TENM3: variants seen among roughly 807,000 people sequenced by gnomAD.
TENM3 encodes teneurin transmembrane protein 3.
TENM3 carries 63 observed loss-of-function variants against 255.1 expected under a neutral mutation model. The observed-to-expected ratio is 0.25, with a 90% CI of 0.20 to 0.30. The LOEUF (loss-of-function observed/expected upper bound fraction) is 0.30. TENM3 is among the 10% of genes least tolerant of loss of function. The pLI is 1.00. For synonymous variants in TENM3, 1,306 were observed against 1,322.3 expected (o/e 0.99, Z 0.27); for missense variants, 2,929 against 3,461.1 (o/e 0.85, Z 3.86).
the TENM3 span, among the ~76,000 whole-genome samples, chr4:182,040,350 A>C: frequency 6.6e-6 from 1 of 152,038 alleles, no homozygotes; most frequent in Non-Finnish European, 1.5e-5. Flanking sequence ...CAATCAATTG[A>C]ACACAGTCCG....
At chr4:182,070,615 T>C in the TENM3 span, among the ~76,000 whole-genome samples, 2 of 152,042 alleles carry the variant, frequency 1.3e-5, no homozygotes, top group African/African-American at 4.8e-5. Flanking sequence ...AGACTCTGTG[T>C]CAAAAAAGCA....
the TENM3 span, among the ~76,000 whole-genome samples, chr4:181,621,447 T>G: frequency 6.6e-6 from 1 of 152,336 alleles, no homozygotes; most frequent in East Asian, 1.9e-4. Context: ...TTTCCCATAT[T>G]TTAATGCTAT....
the TENM3 span, among the ~76,000 whole-genome samples, chr4:181,603,758 AATAAAATC>A: frequency 2.0e-5 from 3 of 152,248 alleles, no homozygotes; most frequent in African/African-American, 4.8e-5. Flanking sequence ...ACCCGTTGGA[AATAAAATC>A]ATAGAGAAAA....
chr4:181,571,925 A>T, the TENM3 span, among the ~76,000 whole-genome samples: 2 of 152,142 alleles, frequency 1.3e-5, no homozygotes, highest in Admixed American at 1.3e-4. Context: ...AAAAGAAGGA[A>T]AAAGAGAATA....
At chr4:182,016,744 G>A in the TENM3 span, among the ~76,000 whole-genome samples, 2 of 152,012 alleles carry the variant, frequency 1.3e-5, no homozygotes, top group Non-Finnish European at 2.9e-5. Flanking sequence ...AATGAACATA[G>A]GCCATTAACA....
At chr4:182,527,708 T>G (rs1032726766) in intron 3 of TENM3, among the ~76,000 whole-genome samples, 1 of 149,850 alleles carries the variant, frequency 6.7e-6, no homozygotes, top group African/African-American at 2.4e-5. Context: ...TCAAAGTTTG[T>G]TTTTTTTGGT....
the TENM3 span, among the ~76,000 whole-genome samples, chr4:181,990,558 T>A: frequency 1.5e-4 from 23 of 152,122 alleles, no homozygotes; most frequent in African/African-American, 5.5e-4. Flanking sequence ...GGTACCCAAT[T>A]CTATGGGAGT....
At chr4:182,329,308 G>C (rs1763611882) in intron 2 of TENM3, among the ~76,000 whole-genome samples, 1 of 152,214 alleles carries the variant, frequency 6.6e-6, no homozygotes, top group Non-Finnish European at 1.5e-5. Flanking sequence ...TCCAGAGAGA[G>C]GCTGACCTGC....
At chr4:182,677,310 A>G (rs570341118) in intron 7 of TENM3, among the ~76,000 whole-genome samples, 1 of 152,266 alleles carries the variant, frequency 6.6e-6, no homozygotes, top group East Asian at 1.9e-4. Context: ...TATTGTTCAC[A>G]GTGTGATGCG....
At chr4:181,943,739 G>C in the TENM3 span, among the ~76,000 whole-genome samples, 1 of 152,080 alleles carries the variant, frequency 6.6e-6, no homozygotes, top group South Asian at 2.1e-4. Flanking sequence ...ATATGCAAAG[G>C]CTTTTGCATA....
At chr4:182,073,042 T>C in the TENM3 span, among the ~76,000 whole-genome samples, 1 of 152,176 alleles carries the variant, frequency 6.6e-6, no homozygotes. Context: ...CACACTGCTA[T>C]AAAGAAATAC....
At chr4:182,319,006 A>C (rs539473607) in intron 1 of TENM3, among the ~76,000 whole-genome samples, 14 of 152,134 alleles carry the variant, frequency 9.2e-5, no homozygotes, top group Non-Finnish European at 1.5e-4. Flanking sequence ...GGGCTCAAGC[A>C]GTCCTCTCAC....
At chr4:181,509,664 C>T in the TENM3 span, among the ~76,000 whole-genome samples, 1 of 152,098 alleles carries the variant, frequency 6.6e-6, no homozygotes, top group Non-Finnish European at 1.5e-5. Flanking sequence ...AGCTGCCTCG[C>T]CCTAAGTGGA....
chr4:181,571,941 A>C, the TENM3 span, among the ~76,000 whole-genome samples: 1 of 152,162 alleles, frequency 6.6e-6, no homozygotes, highest in Non-Finnish European at 1.5e-5. Flanking sequence ...GAATATATGT[A>C]TATATTTCAC....
intron 24 of TENM3, among the ~76,000 whole-genome samples, chr4:182,782,780 T>C (rs2152812978): frequency 9.2e-6 from 1 of 108,308 alleles, no homozygotes; most frequent in East Asian, 2.7e-4. Context: ...TAGCTCTTCT[T>C]GTTGAATTGA....
intron 1 of TENM3, among the ~76,000 whole-genome samples, chr4:182,164,740 T>G (rs1466968409): frequency 1.3e-5 from 2 of 152,172 alleles, no homozygotes; most frequent in Admixed American, 6.5e-5. Context: ...ACCTCATACA[T>G]AGTCCTGGAT....
intron 3 of TENM3, among the ~76,000 whole-genome samples, chr4:182,499,643 T>A (rs1227850522): frequency 6.6e-6 from 1 of 152,212 alleles, no homozygotes; most frequent in Admixed American, 6.5e-5. Context: ...ATCATCTTCA[T>A]TACTTGTCCT....
At chr4:181,849,930 T>TTCTC in the TENM3 span, among the ~76,000 whole-genome samples, 2,128 of 83,974 alleles carry the variant, frequency 0.025, 78 homozygotes, top group African/African-American at 0.073. Flanking sequence ...CTCTCTCTCT[T>TTCTC]TCTCTCTCTC....
the TENM3 span, among the ~76,000 whole-genome samples, chr4:181,649,845 G>A: frequency 1.3e-4 from 20 of 152,242 alleles, no homozygotes; most frequent in Admixed American, 4.6e-4. Context: ...TAGAGCTGTC[G>A]TGGTACAGAG....
Sources: allele counts gnomAD v4.1 joint callset (sites outside exome capture counted in the v4.1 genomes callset), GRCh38; gene constraint gnomAD v4.1.1; transcripts MANE v1.5; gene names NCBI Gene and HGNC (gene_info 2026-07-23, HGNC 2026-07-21).